Variants in ERC2 observed in about 807,000 individuals in gnomAD.
ERC2 encodes the protein ERC protein 2.
Under a neutral mutation model 114.8 loss-of-function variants are expected in ERC2, and 42 were observed. That is an observed-to-expected ratio of 0.37 (90% CI 0.29 to 0.47). The LOEUF is 0.47. Among genes scored for constraint, ERC2 ranks in the 20% least tolerant of loss-of-function variants. ERC2 has a pLI of 0.99. For missense variants in ERC2, 939 were observed against 1,150.7 expected, an observed-to-expected ratio of 0.82 and a Z score of 2.66; for synonymous variants, 454 against 425.5, an observed-to-expected ratio of 1.07 and a Z score of -0.82.
chr3:55,833,538 C>A (rs1037719319), intron 14 of ERC2, among the ~76,000 whole-genome samples: 25 of 152,214 alleles, frequency 1.6e-4, no homozygotes, highest in African/African-American at 5.3e-4. Context: ...GAAATAAACT[C>A]CTTTACAGAC....
intron 10 of ERC2, among the ~76,000 whole-genome samples, chr3:56,001,497 G>T (rs2072055742): frequency 6.6e-6 from 1 of 152,042 alleles, no homozygotes; most frequent in Admixed American, 6.6e-5. Flanking sequence ...AAACCAATGG[G>T]TTAGTTTAAT....
At chr3:56,080,771 A>G (rs1333197020) in intron 7 of ERC2, 46 bp downstream of exon 7, 1 of 1,573,620 alleles carries the variant, frequency 6.4e-7, no homozygotes, top group Non-Finnish European at 8.6e-7. Context: ...TAAAATGACA[A>G]AACATGGATG....
chr3:55,829,175 A>G (rs1340470575), intron 14 of ERC2, among the ~76,000 whole-genome samples: 1 of 152,188 alleles, frequency 6.6e-6, no homozygotes, highest in African/African-American at 2.4e-5. Context: ...AGGAAAGTGT[A>G]ACCAATTTTG....
intron 3 of ERC2, among the ~76,000 whole-genome samples, chr3:56,218,819 A>T (rs1335915178): frequency 6.6e-6 from 1 of 152,160 alleles, no homozygotes; most frequent in East Asian, 1.9e-4. Flanking sequence ...ATAAAAAATG[A>T]TGAGTTCATG....
intron 14 of ERC2, among the ~76,000 whole-genome samples, chr3:55,871,287 A>G (rs1038386934): frequency 5.3e-4 from 80 of 152,218 alleles, no homozygotes; most frequent in African/African-American, 1.9e-3. Flanking sequence ...GCTCCAGAGC[A>G]AGCAACCATG....
chr3:56,117,763 C>A (rs937474660), intron 6 of ERC2, among the ~76,000 whole-genome samples: 1 of 152,162 alleles, frequency 6.6e-6, no homozygotes, highest in Non-Finnish European at 1.5e-5. Flanking sequence ...TCGATGAGCA[C>A]CTGCTCTGTA....
intron 3 of ERC2, among the ~76,000 whole-genome samples, chr3:56,267,993 C>T (rs989701270): frequency 1.3e-5 from 2 of 152,110 alleles, no homozygotes; most frequent in African/African-American, 2.4e-5. Flanking sequence ...CACACAGACA[C>T]AATCAAGAAA....
chr3:56,163,243 T>C (rs1171883726), intron 4 of ERC2, among the ~76,000 whole-genome samples: 1 of 152,154 alleles, frequency 6.6e-6, no homozygotes. Flanking sequence ...GTTACTATGA[T>C]TTCAATTTTT....
At chr3:55,695,895 C>G (rs2062902303) in intron 16 of ERC2, among the ~76,000 whole-genome samples, 1 of 152,154 alleles carries the variant, frequency 6.6e-6, no homozygotes, top group Non-Finnish European at 1.5e-5. Flanking sequence ...AATTGGGGAG[C>G]TTTCTTTCTT....
Position 56,296,091 on chromosome 3 carries a change from C to T in ERC2, c.1002G>A (p.Glu334=), listed in dbSNP as rs759164039. The T allele has an allele frequency of 2.0e-5, 32 of 1,613,298 alleles. No homozygotes were observed. In the Admixed American group the frequency reaches 5.0e-4, roughly 25 times the overall value. Residue 334 remains glutamate (E), a synonymous_variant, in exon 3 of 18, where the codon GAG becomes GAA. Coordinates refer to ENST00000288221, the MANE Select transcript of ERC2 (RefSeq NM_015576.3). ...CCAAGTGGCTGACCTGAGACTCAGC[C>T]TCTGCCATCCGCCGCGTTCGCTCAT... ...DDNERTRRMA[E]AESQVSHLEV...
At chr3:55,772,499 G>A (rs1001312371) in intron 14 of ERC2, among the ~76,000 whole-genome samples, 1 of 152,272 alleles carries the variant, frequency 6.6e-6, no homozygotes, top group South Asian at 2.1e-4. Context: ...GTATTTTTTA[G>A]TAGAGACGGG....
intron 14 of ERC2, among the ~76,000 whole-genome samples, chr3:55,843,338 T>C (rs192198371): frequency 6.6e-6 from 1 of 152,330 alleles, no homozygotes; most frequent in East Asian, 1.9e-4. Context: ...TGGTTTCCTG[T>C]CAAACCATTT....
chr3:55,620,096 T>C (rs1270415887), intron 17 of ERC2, among the ~76,000 whole-genome samples: 1 of 152,208 alleles, frequency 6.6e-6, no homozygotes, highest in East Asian at 1.9e-4. Context: ...GTTGGCTGTT[T>C]GCCTTTTACC....
At chr3:55,675,422 T>G (rs1469441992) in intron 17 of ERC2, among the ~76,000 whole-genome samples, 2 of 152,208 alleles carry the variant, frequency 1.3e-5, no homozygotes, top group Non-Finnish European at 2.9e-5. Context: ...TACGTCTTGG[T>G]AAGGCTAATG....
At chr3:55,532,406 T>C (rs1192512259) in intron 17 of ERC2, among the ~76,000 whole-genome samples, 1 of 152,192 alleles carries the variant, frequency 6.6e-6, no homozygotes, top group Non-Finnish European at 1.5e-5. Flanking sequence ...GGGCTTGTCA[T>C]GGGGTACAAA....
intron 3 of ERC2, among the ~76,000 whole-genome samples, chr3:56,206,998 T>C (rs915653552): frequency 6.6e-6 from 1 of 152,192 alleles, no homozygotes; most frequent in East Asian, 1.9e-4. Flanking sequence ...CAGAGCTGGA[T>C]GGAGATGAGC....
chr3:56,188,337 G>A (rs754407542), intron 3 of ERC2, among the ~76,000 whole-genome samples: 2 of 152,192 alleles, frequency 1.3e-5, no homozygotes, highest in South Asian at 2.1e-4. Flanking sequence ...TGGAGAAGGC[G>A]TGGGAGAGGG....
At chr3:56,284,622 A>C (rs1261671447) in intron 3 of ERC2, among the ~76,000 whole-genome samples, 1 of 152,202 alleles carries the variant, frequency 6.6e-6, no homozygotes. Context: ...CACAAAGGCC[A>C]TTTAGGGAAA....
chr3:55,749,306 C>A (rs1158259966), intron 14 of ERC2, among the ~76,000 whole-genome samples: 1 of 152,184 alleles, frequency 6.6e-6, no homozygotes, highest in African/African-American at 2.4e-5. Flanking sequence ...CCCTGGACAA[C>A]CTTGAGGCTT....
Sources: allele counts gnomAD v4.1 joint callset (sites outside exome capture counted in the v4.1 genomes callset), GRCh38; gene constraint gnomAD v4.1.1; transcripts MANE v1.5; gene names NCBI Gene and HGNC (gene_info 2026-07-23, HGNC 2026-07-21).